Variants in SMCO2 observed in about 807,000 individuals in gnomAD.
The protein encoded by SMCO2 is single-pass membrane and coiled-coil domain-containing protein 2.
In SMCO2, 25 loss-of-function variants were observed where a neutral mutation model predicts 29.5. That is an observed-to-expected ratio of 0.85 (90% confidence interval 0.62 to 1.18). SMCO2 has a LOEUF of 1.18. Among genes scored for constraint, SMCO2 ranks in the 50% most tolerant of loss-of-function variants. SMCO2 has a pLI of 0.00. For missense variants in SMCO2, 348 were observed against 344.5 expected (o/e 1.01, Z -0.08); for synonymous variants, 117 against 123.3 (o/e 0.95, Z 0.34).
chr12:27,481,890 T>C (rs752729973), intron 4 of SMCO2, among the ~76,000 whole-genome samples: 15 of 152,208 alleles, frequency 9.9e-5, no homozygotes, highest in Non-Finnish European at 2.2e-4. Context: ...TTCTTTTTGT[T>C]GTATCAGTCT....
At chr12:27,482,382 G>C (rs1949652357) in intron 4 of SMCO2, among the ~76,000 whole-genome samples, 1 of 152,156 alleles carries the variant, frequency 6.6e-6, no homozygotes, top group Non-Finnish European at 1.5e-5. Flanking sequence ...GCTCACTGCA[G>C]CCTCTGCCTC....
At chr12:27,426,206 G>A in the SMCO2 span, among the ~76,000 whole-genome samples, 1 of 152,196 alleles carries the variant, frequency 6.6e-6, no homozygotes, top group Non-Finnish European at 1.5e-5. Context: ...TACAGAAGTA[G>A]GATGGCAAGA....
In SMCO2 at chr12:27,495,817, CT is replaced by C; in HGVS notation, c.650del (p.Leu217Ter). 6.5e-7 allele frequency: 1 copy of C among 1,531,256 alleles called. No individual in the cohort carries two copies. The highest frequency in any genetic ancestry group is 8.8e-7 in the Non-Finnish European group (1 of 1,134,394). 94.9% of individuals were successfully genotyped at this position (1,531,256 alleles called of 1,614,324 possible). On this transcript the variant is annotated frameshift_variant, in exon 7 of 8. Transcript: ENST00000298876. LOFTEE classifies it low-confidence loss of function (END_TRUNC). ...CCCTGCTTCCTCAGGCCCCAGCATCCTTTTTAGTGCAGAAGTCTCCTCCCCG... is the reference window on the plus strand; with the variant it reads ...CCCTGCTTCCTCAGGCCCCAGCATCCTTTTAGTGCAGAAGTCTCCTCCCCG...
chr12:27,431,381 C>G, the SMCO2 span, among the ~76,000 whole-genome samples: 1 of 152,158 alleles, frequency 6.6e-6, no homozygotes, highest in African/African-American at 2.4e-5. Flanking sequence ...TGCAACAGAT[C>G]TCTAGAATGT....
chr12:27,462,636 G>A (rs369216529), upstream of SMCO2, among the ~76,000 whole-genome samples: 12 of 152,254 alleles, frequency 7.9e-5, no homozygotes, highest in African/African-American at 2.6e-4. Flanking sequence ...AGTGAAGCTC[G>A]GAGGTATTCA....
At chr12:27,484,503 A>G (rs1197582870) in intron 4 of SMCO2, among the ~76,000 whole-genome samples, 3 of 152,194 alleles carry the variant, frequency 2.0e-5, no homozygotes, top group Non-Finnish European at 4.4e-5. Flanking sequence ...GTATATAATT[A>G]TATACTGACA....
intron 5 of SMCO2, among the ~76,000 whole-genome samples, chr12:27,489,799 G>A (rs967180200): frequency 3.3e-5 from 5 of 152,078 alleles, no homozygotes; most frequent in Admixed American, 6.6e-5. Context: ...AAAGGGAAGA[G>A]GACAAAGGCC....
At chr12:27,438,991 T>C in the SMCO2 span, among the ~76,000 whole-genome samples, 1 of 152,140 alleles carries the variant, frequency 6.6e-6, no homozygotes, top group Non-Finnish European at 1.5e-5. Context: ...CCCATCCAAC[T>C]TACGGTTTCT....
the SMCO2 span, among the ~76,000 whole-genome samples, chr12:27,432,605 C>T: frequency 6.6e-6 from 1 of 152,198 alleles, no homozygotes; most frequent in East Asian, 1.9e-4. Context: ...ACATCTCCAG[C>T]AGGTGCAGCT....
chr12:27,488,497 G>A lies in SMCO2; in HGVS notation c.400G>A (p.Glu134Lys), dbSNP rs1486168412. The stretch of plus-strand genomic sequence containing the variant: ...CATGCTGACCCTGAAGGGTCAAATT[G>A]AAAAGCTGGAGGACCGGGGCCTTGA... Residue 134 changes from glutamate (E) to lysine (K), a missense_variant, in exon 5 of 8, where the codon GAA becomes AAA. By Grantham distance (56) the Glu-to-Lys change is moderately conservative (BLOSUM62 1). Transcript: ENST00000298876. 14 of 1,539,036 alleles carry A rather than the reference G, an allele frequency of 9.1e-6. No homozygotes were observed. The Admixed American group carries it at 2.8e-4, about 31-fold the overall frequency.
chr12:27,466,332 A>C (rs190393860), upstream of SMCO2, among the ~76,000 whole-genome samples: 18 of 152,324 alleles, frequency 1.2e-4, no homozygotes, highest in East Asian at 3.5e-3. Flanking sequence ...GAATCACTTG[A>C]ACCCTGGAAG....
chr12:27,481,057 T>G (rs1949638606), intron 4 of SMCO2, among the ~76,000 whole-genome samples: 1 of 152,166 alleles, frequency 6.6e-6, no homozygotes, highest in Non-Finnish European at 1.5e-5. Flanking sequence ...GGGACCTGAC[T>G]GCATGCTGGA....
chr12:27,445,266 A>G, the SMCO2 span, among the ~76,000 whole-genome samples: 5 of 152,234 alleles, frequency 3.3e-5, no homozygotes, highest in Non-Finnish European at 5.9e-5. Flanking sequence ...AATGGTAAAT[A>G]TGGTAAATTA....
At chr12:27,443,784 CA>C in the SMCO2 span, among the ~76,000 whole-genome samples, 2 of 151,998 alleles carry the variant, frequency 1.3e-5, no homozygotes, top group African/African-American at 4.8e-5. Context: ...AAGATCTATA[CA>C]AGGAAAACAA....
chr12:27,439,573 G>A, the SMCO2 span, among the ~76,000 whole-genome samples: 1 of 152,078 alleles, frequency 6.6e-6, no homozygotes, highest in African/African-American at 2.4e-5. Flanking sequence ...GCAGTTTTAA[G>A]GAAACTCAGC....
intron 4 of SMCO2, among the ~76,000 whole-genome samples, chr12:27,477,319 G>A (rs1046327828): frequency 6.7e-6 from 1 of 150,120 alleles, no homozygotes; most frequent in Non-Finnish European, 1.5e-5. Context: ...GTCTGATGGG[G>A]ATTCCCTTAT....
the SMCO2 span, among the ~76,000 whole-genome samples, chr12:27,460,255 T>A: frequency 6.6e-6 from 1 of 152,152 alleles, no homozygotes; most frequent in Non-Finnish European, 1.5e-5. Flanking sequence ...AAATAAGAGT[T>A]GACCCTTGCA....
At chr12:27,461,598 T>C in the SMCO2 span, among the ~76,000 whole-genome samples, 1 of 152,364 alleles carries the variant, frequency 6.6e-6, no homozygotes, top group African/African-American at 2.4e-5. Flanking sequence ...GTTGGCTGTA[T>C]AGATATGACG....
At chr12:27,454,976 A>G in the SMCO2 span, among the ~76,000 whole-genome samples, 8 of 152,314 alleles carry the variant, frequency 5.3e-5, no homozygotes, top group South Asian at 1.5e-3. Flanking sequence ...GCCTTCCATT[A>G]TCATAATTCT....
Sources: gnomAD v4.1 joint callset for allele counts (sites outside exome capture counted in the v4.1 genomes callset) on GRCh38, gnomAD v4.1.1 for gene constraint, MANE v1.5 for transcripts, NCBI Gene and HGNC (gene_info 2026-07-23, HGNC 2026-07-21) for gene names.